Variants in ARFGEF2 observed in about 807,000 individuals in gnomAD.
ARFGEF2 encodes ARF guanine nucleotide exchange factor 2, also known as brefeldin A-inhibited guanine nucleotide-exchange protein 2.
A neutral mutation model predicts 219.9 loss-of-function variants in ARFGEF2; 74 were observed. The ratio of observed to expected loss-of-function variants is 0.34; its 90% CI spans 0.28 to 0.41. The LOEUF is 0.41. Among genes scored for constraint, ARFGEF2 ranks in the 10% least tolerant of loss-of-function variants. ARFGEF2 has a pLI of 1.00. For synonymous variants in ARFGEF2, 733 were observed against 799.2 expected (o/e 0.92, Z 1.40); for missense variants, 1,743 against 2,218.3 (o/e 0.79, Z 4.30).
In ARFGEF2 at chr20:49,035,168, G is replaced by C. The variant is rs144237181; in HGVS notation, c.*1969G>C. ...TGTTCATTCATTAAGTCCATCTTGCGTGCAGCTATATCCCTGATTGGTTAT... is the reference window on the plus strand; with the variant it reads ...TGTTCATTCATTAAGTCCATCTTGCCTGCAGCTATATCCCTGATTGGTTAT... On this transcript the variant is annotated 3_prime_UTR_variant, in exon 39 of 39. Transcript: ENST00000371917. The C allele has an allele frequency of 2.2e-4, 34 of 152,244 alleles. No homozygotes were observed. Among genetic ancestry groups the C allele is most frequent in the East Asian group, 7.7e-4 (4 of 5,178 alleles). 9.4% of individuals were successfully genotyped at this position (152,244 alleles called of 1,614,324 possible).
intron 3 of ARFGEF2, among the ~76,000 whole-genome samples, chr20:48,948,430 C>T (rs1278166104): frequency 6.6e-6 from 1 of 152,170 alleles, no homozygotes; most frequent in Non-Finnish European, 1.5e-5. Context: ...GTGCAAGCCT[C>T]CTTGGAGACA....
At chr20:48,944,787 C>T (rs1482347565) in intron 3 of ARFGEF2, among the ~76,000 whole-genome samples, 1 of 152,078 alleles carries the variant, frequency 6.6e-6, no homozygotes, top group African/African-American at 2.4e-5. Context: ...CTTCTTGACT[C>T]TGTGTCTGTG....
intron 2 of ARFGEF2, 75 bp downstream of exon 2, chr20:48,941,304 C>G (rs1000020824): frequency 4.7e-5 from 70 of 1,482,024 alleles, no homozygotes; most frequent in Non-Finnish European, 5.8e-5. Flanking sequence ...GCCTCTTTCT[C>G]TGCTTGGTTT....
chr20:48,961,011 C>T (rs920496001), intron 6 of ARFGEF2, among the ~76,000 whole-genome samples: 6 of 150,376 alleles, frequency 4.0e-5, no homozygotes, highest in Admixed American at 6.6e-5. Flanking sequence ...ACCCGGGAGG[C>T]GGAGGTTGCA....
At chr20:49,013,403 G>A (rs1483332033) in intron 28 of ARFGEF2, among the ~76,000 whole-genome samples, 161 bp from the exon 29 acceptor site, 1 of 151,908 alleles carries the variant, frequency 6.6e-6, no homozygotes, top group Non-Finnish European at 1.5e-5. Context: ...TGCCCTTTGG[G>A]ACAGATAATG....
chr20:49,004,644 T>TA (rs2091446531), intron 25 of ARFGEF2, among the ~76,000 whole-genome samples: 1 of 151,508 alleles, frequency 6.6e-6, no homozygotes, highest in African/African-American at 2.4e-5. Context: ...CTACTAAAAA[T>TA]ACAAAAATCA....
At position 48,991,094 on chromosome 20, in the gene ARFGEF2, A is replaced by T. The variant is rs1269398189; in HGVS notation, c.2869A>T (p.Ser957Cys). The T allele has an allele frequency of 6.2e-7, 1 of 1,614,204 alleles. No homozygotes were observed. Among genetic ancestry groups the T allele is most frequent in the East Asian group, 2.2e-5 (1 of 44,890 alleles). ...ALARFSLLTA[S>C]SSITEMKQKN... is the part of the protein sequence containing the mutation. ...TGCTCGCTTCTCCCTACTCACAGCC[A>T]GCTCCAGCATCACAGAAATGAAGCA... The change falls in exon 21 of 39, where the codon AGC becomes TGC. Residue 957 changes from serine to cysteine, a missense_variant. Transcript: ENST00000371917.
At chr20:48,968,176 G>A (rs2123406222) in intron 8 of ARFGEF2, among the ~76,000 whole-genome samples, 1 of 151,964 alleles carries the variant, frequency 6.6e-6, no homozygotes, top group South Asian at 2.1e-4. Flanking sequence ...TGTATTTTTA[G>A]TAGAGACGGG....
intron 12 of ARFGEF2, 46 bp from the exon 13 acceptor site, chr20:48,974,720 T>C: frequency 6.6e-7 from 1 of 1,514,082 alleles, no homozygotes. Flanking sequence ...GTCTGTTCTC[T>C]TCATTTTTCT....
intron 31 of ARFGEF2, 65 bp from the exon 32 acceptor site, chr20:49,017,184 T>G: frequency 6.4e-7 from 1 of 1,556,566 alleles, no homozygotes; most frequent in Non-Finnish European, 8.8e-7. Flanking sequence ...TATACAGTAT[T>G]TGAGACCTGG....
At chr20:48,934,119 CAAAAAAAA>C (rs11476863) in intron 1 of ARFGEF2, among the ~76,000 whole-genome samples, 41 of 56,164 alleles carry the variant, frequency 7.3e-4, no homozygotes, top group Middle Eastern at 0.011. Context: ...GACTTCATCT[CAAAAAAAA>C]AAAAAAAAAA....
chr20:48,946,474 A>ATT (rs1339310972), intron 3 of ARFGEF2, among the ~76,000 whole-genome samples: 2 of 98,426 alleles, frequency 2.0e-5, no homozygotes, highest in East Asian at 6.2e-4. Flanking sequence ...TCACATATCA[A>ATT]TTTTATATAT....
intron 16 of ARFGEF2, among the ~76,000 whole-genome samples, chr20:48,987,739 T>TA (rs1307517093): frequency 2.6e-5 from 4 of 152,028 alleles, no homozygotes; most frequent in African/African-American, 4.8e-5. Context: ...AGAGTCTTTT[T>TA]AAAAAAAATT....
intron 1 of ARFGEF2, among the ~76,000 whole-genome samples, chr20:48,934,221 C>A (rs917221068): frequency 1.3e-4 from 20 of 151,942 alleles, no homozygotes; most frequent in African/African-American, 4.8e-4. Flanking sequence ...GGACTTGAAC[C>A]CAGCTCTGTC....
intron 3 of ARFGEF2, among the ~76,000 whole-genome samples, chr20:48,949,982 C>T (rs571847485): frequency 1.3e-4 from 20 of 152,278 alleles, no homozygotes; most frequent in Middle Eastern, 3.4e-3. Context: ...CTGGGCTCCA[C>T]CTGGAAGTTC....
intron 1 of ARFGEF2, among the ~76,000 whole-genome samples, chr20:48,926,097 A>G (rs2090875374): frequency 6.6e-6 from 1 of 152,180 alleles, no homozygotes; most frequent in South Asian, 2.1e-4. Context: ...TAAGTTGGCC[A>G]GGGTAACTCA....
chr20:48,948,303 A>G (rs1351545745), intron 3 of ARFGEF2, among the ~76,000 whole-genome samples: 2 of 152,130 alleles, frequency 1.3e-5, no homozygotes, highest in Non-Finnish European at 2.9e-5. Flanking sequence ...GGCTCTAGCT[A>G]TATCTCTCCA....
intron 6 of ARFGEF2, among the ~76,000 whole-genome samples, chr20:48,960,110 G>T (rs1449988131): frequency 6.6e-6 from 1 of 152,136 alleles, no homozygotes; most frequent in African/African-American, 2.4e-5. Flanking sequence ...AGAATATTAT[G>T]GGTATACTTA....
chr20:48,989,507 T>C (rs371411794), intron 19 of ARFGEF2, 49 bp from the exon 20 acceptor site: 28 of 1,614,130 alleles, frequency 1.7e-5, no homozygotes, highest in Non-Finnish European at 2.3e-5. Flanking sequence ...AGAAGTACTC[T>C]TTCCACGCTA....
Sources: gnomAD v4.1 joint callset for allele counts (sites outside exome capture counted in the v4.1 genomes callset) on GRCh38, gnomAD v4.1.1 for gene constraint, MANE v1.5 for transcripts, NCBI Gene and HGNC (gene_info 2026-07-23, HGNC 2026-07-21) for gene names.